TPO: variants seen among roughly 807,000 people sequenced by gnomAD.
TPO encodes thyroid peroxidase.
A neutral mutation model predicts 96.9 loss-of-function variants in TPO; 78 were observed. The ratio of observed to expected loss-of-function variants is 0.81; its 90% CI spans 0.67 to 0.97. The LOEUF (loss-of-function observed/expected upper bound fraction) is 0.97, where lower values mean the gene tolerates loss of function less well. Ranked by LOEUF, TPO falls within the 50% of genes least tolerant of loss-of-function variation. The probability of loss-of-function intolerance (pLI) is 0.00; values close to 1 mark genes in which losing one functional copy is unlikely to be tolerated. For synonymous variants in TPO, 547 were observed against 538.0 expected (o/e 1.02, Z -0.23); for missense variants, 1,252 against 1,274.8 (o/e 0.98, Z 0.27).
intron 1 of TPO, among the ~76,000 whole-genome samples, chr2:1,386,810 T>C (rs987769679): frequency 3.0e-4 from 45 of 152,340 alleles, no homozygotes; most frequent in African/African-American, 8.2e-4. Context: ...CTAGCATCGA[T>C]GGTCTTTACA....
intron 15 of TPO, among the ~76,000 whole-genome samples, chr2:1,539,558 A>G (rs1340763371): frequency 6.6e-6 from 1 of 152,174 alleles, no homozygotes; most frequent in Non-Finnish European, 1.5e-5. Flanking sequence ...CCTAGGTCGG[A>G]GTCCGCAAGG....
chr2:1,471,859 T>C (rs982523641), intron 7 of TPO, among the ~76,000 whole-genome samples: 10 of 152,256 alleles, frequency 6.6e-5, no homozygotes, highest in African/African-American at 2.2e-4. Context: ...ACTCATGGCA[T>C]GCCCTTCCCA....
At chr2:1,386,445 G>A (rs1265678651) in intron 1 of TPO, among the ~76,000 whole-genome samples, 1 of 152,174 alleles carries the variant, frequency 6.6e-6, no homozygotes, top group East Asian at 1.9e-4. Context: ...TTGTTGAATT[G>A]ATCCCTTTAC....
rs958730501 is a variant in TPO, at chr2:1,504,191, G to C, written c.2518+112G>C. ...ATCACCATCTTGATTGGGAAGGGCG[G>C]AGATGAATAAGACACCAAGCCCACG... On this transcript the variant is annotated intron_variant, in intron 14 of 16. Coordinates refer to ENST00000329066, the MANE Select transcript of TPO (RefSeq NM_001206744.2). 3.7e-5 allele frequency: 58 copies of C among 1,580,954 alleles called. 1 individual carries two copies. The highest frequency in any genetic ancestry group is 4.9e-5 in the Non-Finnish European group (57 of 1,167,158).
intron 8 of TPO, among the ~76,000 whole-genome samples, chr2:1,480,121 C>T (rs1369693470): frequency 6.6e-6 from 1 of 152,144 alleles, no homozygotes; most frequent in Non-Finnish European, 1.5e-5. Flanking sequence ...CAACAGCAAC[C>T]AATAGGAAAA....
At chr2:1,402,961 CA>C (rs2148377117) in intron 1 of TPO, among the ~76,000 whole-genome samples, 1 of 152,366 alleles carries the variant, frequency 6.6e-6, no homozygotes, top group South Asian at 2.1e-4. Context: ...TCATTTCCGG[CA>C]TCCTCATTGG....
At chr2:1,442,572 A>G (rs1039476350) in intron 5 of TPO, among the ~76,000 whole-genome samples, 1 of 152,260 alleles carries the variant, frequency 6.6e-6, no homozygotes, top group Admixed American at 6.5e-5. Flanking sequence ...TTAGATTGAT[A>G]CATGTGATAA....
rs1386552080 is a variant in TPO, at chr2:1,540,656, T to C, written c.2681T>C (p.Leu894Pro). ...GAGACAGGCGGAGGAACTCCCGAGC[T>C]GAGATGCGGAAAGCACCAGGCCGTA... Reference protein sequence around the residue: ...ISETGGGTPELRCGKHQAVGT... With the variant: ...ISETGGGTPEPRCGKHQAVGT... Residue 894 changes from leucine to proline, a missense_variant, in exon 16 of 17, where the codon CTG (leucine) becomes CCG (proline). By Grantham distance (98) the Leu-to-Pro change is moderately conservative. Coordinates refer to ENST00000329066, the MANE Select transcript of TPO (RefSeq NM_001206744.2). The C allele has an allele frequency of 1.9e-6, 3 of 1,613,316 alleles. No homozygotes were observed. The highest frequency in any genetic ancestry group is 2.5e-6 in the Non-Finnish European group (3 of 1,180,022).
intron 7 of TPO, among the ~76,000 whole-genome samples, chr2:1,475,338 G>A (rs936690105): frequency 1.3e-5 from 2 of 151,686 alleles, no homozygotes; most frequent in African/African-American, 2.4e-5. Context: ...TCCTCCCTGG[G>A]TTCCCTGCTG....
At chr2:1,481,152 C>G (rs1475266348) in intron 8 of TPO, among the ~76,000 whole-genome samples, 2 of 152,174 alleles carry the variant, frequency 1.3e-5, no homozygotes, top group African/African-American at 4.8e-5. Context: ...AACTGAAGCT[C>G]TTGCTCTTCA....
intron 14 of TPO, among the ~76,000 whole-genome samples, chr2:1,506,383 CT>C (rs1453707718): frequency 6.6e-6 from 1 of 152,076 alleles, no homozygotes; most frequent in Non-Finnish European, 1.5e-5. Context: ...ATTTATAGTC[CT>C]TTGGGTGTAT....
chr2:1,491,339 T>G (rs532102325), intron 10 of TPO, among the ~76,000 whole-genome samples: 43 of 152,138 alleles, frequency 2.8e-4, no homozygotes, highest in Non-Finnish European at 5.4e-4. Flanking sequence ...ATATTTTCCC[T>G]CTAGAGTTGG....
At chr2:1,396,836 G>T (rs12329058) in intron 1 of TPO, among the ~76,000 whole-genome samples, 1 of 151,940 alleles carries the variant, frequency 6.6e-6, no homozygotes, top group Non-Finnish European at 1.5e-5. Flanking sequence ...TTGTGCCTCA[G>T]GAAAACATGC....
At chr2:1,462,461 A>C (rs1223237384) in intron 7 of TPO, among the ~76,000 whole-genome samples, 1 of 152,120 alleles carries the variant, frequency 6.6e-6, no homozygotes, top group African/African-American at 2.4e-5. Flanking sequence ...CAATGGAATA[A>C]ACACCCGATG....
intron 7 of TPO, among the ~76,000 whole-genome samples, chr2:1,458,331 C>T (rs1027957581): frequency 1.6e-4 from 24 of 148,988 alleles, no homozygotes; most frequent in Middle Eastern, 4.0e-3. Flanking sequence ...AGATAATATG[C>T]GGACATGTGT....
intron 4 of TPO, 51 bp from the exon 5 acceptor site, chr2:1,436,199 TAG>T (rs1558282560): frequency 1.2e-6 from 2 of 1,613,584 alleles, no homozygotes; most frequent in African/African-American, 1.3e-5. Flanking sequence ...GAATATTTGT[TAG>T]GTGGATTTGT....
chr2:1,393,348 A>G (rs1250713149), intron 1 of TPO, among the ~76,000 whole-genome samples: 1 of 152,232 alleles, frequency 6.6e-6, no homozygotes, highest in Non-Finnish European at 1.5e-5. Context: ...CAGGCCCACC[A>G]GGCCCCTCTT....
intron 1 of TPO, among the ~76,000 whole-genome samples, chr2:1,379,321 G>C (rs895818898): frequency 1.3e-5 from 2 of 152,114 alleles, no homozygotes; most frequent in African/African-American, 2.4e-5. Context: ...ATGAGTGAAG[G>C]CAAGGAGATT....
chr2:1,539,993 TGTG>T (rs1680542334), intron 15 of TPO, among the ~76,000 whole-genome samples: 1 of 152,168 alleles, frequency 6.6e-6, no homozygotes, highest in South Asian at 2.1e-4. Context: ...CCACAGTATT[TGTG>T]ATGTATTTCC....
Sources: allele counts gnomAD v4.1 joint callset (sites outside exome capture counted in the v4.1 genomes callset), GRCh38; gene constraint gnomAD v4.1.1; transcripts MANE v1.5; gene names NCBI Gene and HGNC (gene_info 2026-07-23, HGNC 2026-07-21).